Variants in WDR72 observed in about 807,000 individuals in gnomAD.
WDR72 encodes the protein WD repeat domain 72.
A neutral mutation model predicts 124.2 loss-of-function variants in WDR72; 120 were observed. The observed-to-expected ratio is 0.97, with a 90% CI of 0.83 to 1.12. The LOEUF is 1.12. Among genes scored for constraint, WDR72 ranks in the 50% most tolerant of loss-of-function variants. The pLI is 0.00. For missense variants in WDR72, 1,387 were observed against 1,278.8 expected (o/e 1.08, Z -1.29); for synonymous variants, 452 against 441.7 (o/e 1.02, Z -0.29).
In WDR72 at chr15:53,665,661, T is replaced by A. The variant is rs1468462268; in HGVS notation, c.1873A>T (p.Lys625Ter). ...GATCTCTGTTCTATACTTTTGTGCTTAAGTGTCTCTGAGGCAATGGGAAGT... is the reference window on the plus strand; with the variant it reads ...GATCTCTGTTCTATACTTTTGTGCTAAAGTGTCTCTGAGGCAATGGGAAGT... ...SVLPIASETL[K>*]HKSIEQRSSS... is the part of the protein sequence containing the mutation. The change falls in exon 14 of 20, where the codon AAG becomes TAG. Residue 625 changes from lysine to a stop codon, truncating the protein, a stop_gained. Transcript: ENST00000360509. LOFTEE classifies it high-confidence loss of function. 6.2e-7 allele frequency: 1 copy of A among 1,613,932 alleles called. No individual in the cohort carries two copies. The highest frequency in any genetic ancestry group is 8.5e-7 in the Non-Finnish European group (1 of 1,179,876).
At chr15:53,636,877 G>A (rs2014642493) in intron 14 of WDR72, among the ~76,000 whole-genome samples, 1 of 152,036 alleles carries the variant, frequency 6.6e-6, no homozygotes, top group Non-Finnish European at 1.5e-5. Context: ...CAACTTTATG[G>A]TCATTTGCAT....
Position 53,711,380 on chromosome 15 carries a change from G to T in WDR72, c.813C>A (p.Ile271=), listed in dbSNP as rs2017533430. The change falls in exon 8 of 20, where the codon ATC becomes ATA. Residue 271 remains isoleucine, a synonymous_variant. Transcript: ENST00000360509. The part of the protein sequence containing the change: ...GEVIAAHRIL[I]WTEDGHSYIY... The stretch of plus-strand genomic sequence containing the variant: ...TGTAACTGTGACCATCTTCTGTCCA[G>T]ATGAGGATTCTGTGAGCAGCAATCA... 6.2e-7 allele frequency: 1 copy of T among 1,614,048 alleles called. No individual in the cohort carries two copies. The highest frequency in any genetic ancestry group is 1.3e-5 in the African/African-American group (1 of 74,892).
At chr15:53,691,612 CAGACAGACAGATAGAT>C (rs1362629241) in intron 13 of WDR72, among the ~76,000 whole-genome samples, 53 of 42,056 alleles carry the variant, frequency 1.3e-3, no homozygotes, top group South Asian at 1.6e-3. Context: ...GACAGACAGA[CAGACAGACAGATAGAT>C]AGATAGATAG....
chr15:53,628,760 T>C (rs4536407), intron 14 of WDR72, among the ~76,000 whole-genome samples: 37,026 of 151,962 alleles, frequency 0.24, 4,919 homozygotes, highest in East Asian at 0.46. Flanking sequence ...ATGGCAAAGT[T>C]TGGACTTTGA....
At chr15:53,617,036 G>A (rs1157017067) in intron 14 of WDR72, among the ~76,000 whole-genome samples, 1 of 151,718 alleles carries the variant, frequency 6.6e-6, no homozygotes, top group East Asian at 1.9e-4. Context: ...CTTCTATACA[G>A]CATTATCAAG....
chr15:53,586,658 G>A (rs1005509953), intron 18 of WDR72, among the ~76,000 whole-genome samples: 3 of 151,980 alleles, frequency 2.0e-5, no homozygotes, highest in African/African-American at 4.8e-5. Flanking sequence ...CATTTAATCA[G>A]CCAGCAATAT....
rs774257771 is a variant in WDR72, at chr15:53,547,685, TC to T, written c.3149-24364del. On this transcript the variant is annotated intron_variant, in intron 18 of 19. Transcript: ENST00000360509. ...CCACATCTGGAACAAAAGGATTTCA[TC>T]CACTTGTTCTGCCTTTGCTTCATTC... 7.0e-4 allele frequency among the ~76,000 whole-genome samples: 107 copies of T among 152,172 alleles called. 2 individuals are homozygous for T. The highest frequency in any genetic ancestry group is 2.1e-4 in the Non-Finnish European group (14 of 68,036).
intron 11 of WDR72, among the ~76,000 whole-genome samples, chr15:53,703,517 A>G (rs1307131623): frequency 6.6e-6 from 1 of 151,766 alleles, no homozygotes; most frequent in Non-Finnish European, 1.5e-5. Context: ...TTACATCTGA[A>G]AATTTAGGAT....
At chr15:53,736,651 TA>T (rs2018363512) in intron 1 of WDR72, among the ~76,000 whole-genome samples, 1 of 152,046 alleles carries the variant, frequency 6.6e-6, no homozygotes, top group Non-Finnish European at 1.5e-5. Context: ...AGAGCACTTG[TA>T]GGATGAGAAA....
chr15:53,707,237 T>C (rs967336329), intron 9 of WDR72, among the ~76,000 whole-genome samples: 3 of 152,188 alleles, frequency 2.0e-5, no homozygotes, highest in Non-Finnish European at 4.4e-5. Flanking sequence ...CATTAGTGAT[T>C]ATTAAAGGCC....
intron 1 of WDR72, among the ~76,000 whole-genome samples, chr15:53,749,964 C>A (rs759602449): frequency 6.6e-6 from 1 of 152,092 alleles, no homozygotes; most frequent in Admixed American, 6.5e-5. Context: ...AGGAAAGAAG[C>A]CTCCTCCATA....
At chr15:53,563,512 G>C (rs1231520931) in intron 18 of WDR72, among the ~76,000 whole-genome samples, 1 of 151,584 alleles carries the variant, frequency 6.6e-6, no homozygotes, top group Non-Finnish European at 1.5e-5. Context: ...TTGGTACATA[G>C]GTAAACACAT....
At position 53,616,188 on chromosome 15, in the gene WDR72, T is replaced by C; in HGVS notation, c.2018A>G (p.Lys673Arg). ...AATATGAAAGCCAACGTTACTCCAT[T>C]TTGTCTTCACAGGCAAGACATTAAA... ...RPFNVLPVKT[K>R]WSNVGFHILL... is the part of the protein sequence containing the mutation. Residue 673 changes from lysine to arginine, a missense_variant, in exon 15 of 20, where the codon AAA (lysine) becomes AGA (arginine). Coordinates refer to ENST00000360509, the MANE Select transcript of WDR72 (RefSeq NM_182758.4). 1 of 1,606,682 alleles carries C rather than the reference T, an allele frequency of 6.2e-7. No individual in the cohort carries two copies. The highest frequency in any genetic ancestry group is 8.5e-7 in the Non-Finnish European group (1 of 1,178,732).
chr15:53,664,281 C>T (rs1277248881), intron 14 of WDR72, among the ~76,000 whole-genome samples: 1 of 152,132 alleles, frequency 6.6e-6, no homozygotes, highest in Non-Finnish European at 1.5e-5. Flanking sequence ...CAAGCAATAA[C>T]CAGAATGCCA....
At chr15:53,545,383 G>C (rs1893393614) in intron 18 of WDR72, among the ~76,000 whole-genome samples, 1 of 149,432 alleles carries the variant, frequency 6.7e-6, no homozygotes, top group Non-Finnish European at 1.5e-5. Context: ...TCTGATCTTT[G>C]ACAAACCTGA....
intron 14 of WDR72, among the ~76,000 whole-genome samples, chr15:53,624,197 C>T (rs770058240): frequency 2.8e-4 from 42 of 152,028 alleles, no homozygotes; most frequent in African/African-American, 2.2e-4. Context: ...AGGTAGAATA[C>T]GGGAAGGTAG....
chr15:53,581,641 T>TAG (rs2011933592), intron 18 of WDR72, among the ~76,000 whole-genome samples: 1 of 152,078 alleles, frequency 6.6e-6, no homozygotes, highest in African/African-American at 2.4e-5. Context: ...TATTGCTGTG[T>TAG]AGAAGATCCC....
At chr15:53,600,673 G>A (rs2013004782) in intron 17 of WDR72, among the ~76,000 whole-genome samples, 1 of 152,140 alleles carries the variant, frequency 6.6e-6, no homozygotes, top group Non-Finnish European at 1.5e-5. Flanking sequence ...TGTCCTGGTT[G>A]TTGTTCCAGT....
chr15:53,708,047 C>T (rs950844875), intron 9 of WDR72, among the ~76,000 whole-genome samples: 1 of 152,182 alleles, frequency 6.6e-6, no homozygotes, highest in Non-Finnish European at 1.5e-5. Context: ...CACATTGCTG[C>T]TTCTCACTTG....
Sources: gnomAD v4.1 joint callset for allele counts (sites outside exome capture counted in the v4.1 genomes callset) on GRCh38, gnomAD v4.1.1 for gene constraint, MANE v1.5 for transcripts, NCBI Gene and HGNC (gene_info 2026-07-23, HGNC 2026-07-21) for gene names.